The following CSMD1 variants were observed in gnomAD, a reference collection of about 807,000 sequenced individuals.
The protein encoded by CSMD1 is CUB and Sushi multiple domains 1.
In CSMD1, 213 loss-of-function variants were observed where a neutral mutation model predicts 417.5. That is an observed-to-expected ratio of 0.51 (90% confidence interval 0.46 to 0.57). The LOEUF (loss-of-function observed/expected upper bound fraction) is 0.57. Ranked by LOEUF, CSMD1 falls within the 20% of genes least tolerant of loss-of-function variation. CSMD1 has a pLI of 0.00. For synonymous variants in CSMD1, 2,862 were observed against 1,736.8 expected (o/e 1.65, Z -16.11); for missense variants, 6,923 against 4,529.7 (o/e 1.53, Z -15.17).
intron 15 of CSMD1, among the ~76,000 whole-genome samples, chr8:3,400,008 A>C (rs534047209): frequency 2.0e-5 from 3 of 152,340 alleles, no homozygotes; most frequent in Admixed American, 2.0e-4. Context: ...AGCCACATGC[A>C]ACATATTATT....
At chr8:3,623,804 T>A (rs1325837383) in intron 7 of CSMD1, among the ~76,000 whole-genome samples, 1 of 151,946 alleles carries the variant, frequency 6.6e-6, no homozygotes, top group Non-Finnish European at 1.5e-5. Flanking sequence ...GGAGAAACCC[T>A]GTCTCTACTA....
At chr8:3,459,028 G>C (rs1816328250) in intron 12 of CSMD1, among the ~76,000 whole-genome samples, 1 of 152,266 alleles carries the variant, frequency 6.6e-6, no homozygotes, top group Non-Finnish European at 1.5e-5. Flanking sequence ...GCAAGGGTAG[G>C]AAGGACCCGC....
At chr8:4,192,742 T>C (rs1014123980) in intron 3 of CSMD1, among the ~76,000 whole-genome samples, 3 of 152,232 alleles carry the variant, frequency 2.0e-5, no homozygotes, top group Non-Finnish European at 1.5e-5. Flanking sequence ...ATTTGCACTT[T>C]AGTGACTTCT....
intron 3 of CSMD1, among the ~76,000 whole-genome samples, chr8:4,292,830 G>A (rs753949817): frequency 1.3e-5 from 2 of 152,108 alleles, no homozygotes; most frequent in Non-Finnish European, 2.9e-5. Context: ...CTAAGAGTCA[G>A]GGTCCCTAAG....
At chr8:4,426,528 T>C (rs1026758586) in intron 2 of CSMD1, among the ~76,000 whole-genome samples, 1 of 147,552 alleles carries the variant, frequency 6.8e-6, no homozygotes, top group African/African-American at 2.5e-5. Context: ...ACTGTAGTAT[T>C]TTATACTGTA....
chr8:4,136,583 A>G (rs930737864), intron 3 of CSMD1, among the ~76,000 whole-genome samples: 3 of 152,222 alleles, frequency 2.0e-5, no homozygotes, highest in Admixed American at 1.3e-4. Context: ...GTATTTCAGA[A>G]GATGCCAATT....
chr8:3,618,602 G>A (rs934604225), intron 7 of CSMD1, among the ~76,000 whole-genome samples: 1 of 151,924 alleles, frequency 6.6e-6, no homozygotes, highest in Non-Finnish European at 1.5e-5. Flanking sequence ...TTTGGTGATA[G>A]CATCAGTAGA....
At chr8:4,448,226 T>C (rs1337149561) in intron 2 of CSMD1, among the ~76,000 whole-genome samples, 2 of 152,210 alleles carry the variant, frequency 1.3e-5, no homozygotes, top group Non-Finnish European at 1.5e-5. Context: ...TTTTCATCTT[T>C]ATTCAGGTGA....
intron 5 of CSMD1, among the ~76,000 whole-genome samples, chr8:3,937,239 G>C (rs2162263): frequency 1.3e-5 from 2 of 151,940 alleles, no homozygotes; most frequent in South Asian, 2.1e-4. Context: ...CATAAACTCA[G>C]TTAATAAAGC....
intron 25 of CSMD1, among the ~76,000 whole-genome samples, chr8:3,289,029 G>C (rs552955654): frequency 6.8e-6 from 1 of 146,270 alleles, no homozygotes; most frequent in South Asian, 2.1e-4. Context: ...TCCTGTGTCC[G>C]TGTGTTCTCA....
At chr8:4,067,835 T>A (rs540092403) in intron 3 of CSMD1, among the ~76,000 whole-genome samples, 1 of 152,094 alleles carries the variant, frequency 6.6e-6, no homozygotes, top group Non-Finnish European at 1.5e-5. Context: ...TCCCAACACT[T>A]TGGGAGGCCG....
At chr8:3,843,236 A>G (rs553034609) in intron 5 of CSMD1, among the ~76,000 whole-genome samples, 1 of 152,296 alleles carries the variant, frequency 6.6e-6, no homozygotes, top group South Asian at 2.1e-4. Context: ...TTAACACAAA[A>G]TCATCTGCTG....
At position 4,628,425 on chromosome 8, in the gene CSMD1, T is replaced by C. The variant is rs570331407; in HGVS notation, c.302+8917A>G. On this transcript the variant is annotated intron_variant, in intron 2 of 69. Transcript: ENST00000635120. ...ATATATACACATATATATACATATA[T>C]ATACACATATACACATATATACACA... Among the ~76,000 whole-genome samples, 8 of 76,224 alleles carry C rather than the reference T, an allele frequency of 1.0e-4. No homozygotes were observed. In the East Asian group the frequency reaches 3.2e-3, roughly 31 times the overall value. The allele number at this position is 76,224 out of a possible 152,430, so 50.0% of individuals were successfully genotyped here.
intron 5 of CSMD1, among the ~76,000 whole-genome samples, chr8:3,894,907 C>G (rs1001482082): frequency 6.6e-6 from 1 of 152,066 alleles, no homozygotes; most frequent in Non-Finnish European, 1.5e-5. Context: ...CAGTGGGTTC[C>G]TAGTATTCAA....
At chr8:3,708,834 C>G (rs1455471136) in intron 6 of CSMD1, among the ~76,000 whole-genome samples, 1 of 152,152 alleles carries the variant, frequency 6.6e-6, no homozygotes, top group Non-Finnish European at 1.5e-5. Context: ...TCACTCACTT[C>G]ATGTATCTAT....
intron 3 of CSMD1, among the ~76,000 whole-genome samples, chr8:4,167,781 G>A (rs1029476291): frequency 6.6e-6 from 1 of 152,132 alleles, no homozygotes; most frequent in African/African-American, 2.4e-5. Context: ...CTTGAGTTCA[G>A]GAGTTTGAGA....
chr8:4,675,082 G>C (rs1805590963), intron 1 of CSMD1, among the ~76,000 whole-genome samples: 3 of 152,172 alleles, frequency 2.0e-5, no homozygotes, highest in South Asian at 2.1e-4. Context: ...ATAAATTCTT[G>C]TTGTTTAAGC....
At chr8:4,270,830 C>T (rs902657670) in intron 3 of CSMD1, among the ~76,000 whole-genome samples, 3 of 152,202 alleles carry the variant, frequency 2.0e-5, no homozygotes, top group Non-Finnish European at 2.9e-5. Flanking sequence ...CACCACACTC[C>T]GTGACTTCCC....
intron 17 of CSMD1, among the ~76,000 whole-genome samples, chr8:3,391,332 A>G (rs1811335669): frequency 6.6e-6 from 1 of 152,212 alleles, no homozygotes; most frequent in Non-Finnish European, 1.5e-5. Flanking sequence ...GATTAACAAG[A>G]TACTTTTGAC....
Sources: allele counts gnomAD v4.1 joint callset (sites outside exome capture counted in the v4.1 genomes callset), GRCh38; gene constraint gnomAD v4.1.1; transcripts MANE v1.5; gene names NCBI Gene and HGNC (gene_info 2026-07-23, HGNC 2026-07-21).